The following SPEN variants were observed in gnomAD, a reference collection of about 807,000 sequenced individuals.
SPEN encodes the protein msx2-interacting protein.
A neutral mutation model predicts 269.9 loss-of-function variants in SPEN; 18 were observed. That is an observed-to-expected ratio of 0.07 (90% CI 0.05 to 0.10). The LOEUF (loss-of-function observed/expected upper bound fraction) is 0.10, where lower values mean the gene tolerates loss of function less well. SPEN is among the 10% of genes least tolerant of loss of function. The pLI is 1.00. For missense variants in SPEN, 3,822 were observed against 4,631.2 expected (o/e 0.83, Z 5.07); for synonymous variants, 1,726 against 1,765.7 (o/e 0.98, Z 0.56).
chr1:15,916,986 G>A (rs2071072678), intron 6 of SPEN, among the ~76,000 whole-genome samples: 2 of 152,108 alleles, frequency 1.3e-5, no homozygotes, highest in Non-Finnish European at 2.9e-5. Flanking sequence ...AATTAGCTGG[G>A]CGTTGGTGGC....
At chr1:15,918,442 C>T (rs969408376) in intron 6 of SPEN, among the ~76,000 whole-genome samples, 1 of 152,210 alleles carries the variant, frequency 6.6e-6, no homozygotes. Context: ...TGGTGTCGAA[C>T]TCCTGACCTC....
In SPEN at chr1:15,937,213, C is replaced by T. The variant is rs751059722; in HGVS notation, c.10077C>T (p.Ser3359=). 1.4e-5 allele frequency: 23 copies of T among 1,613,562 alleles called. No individual in the cohort carries two copies. The highest frequency in any genetic ancestry group is 1.3e-5 in the African/African-American group (1 of 74,814). Residue 3359 remains serine, a synonymous_variant, in exon 12 of 15, where the codon TCC becomes TCT. Transcript: ENST00000375759. The surrounding 1 kb of genome is among the most constrained non-coding windows in gnomAD (Gnocchi z 5.7). The stretch of plus-strand genomic sequence containing the variant: ...TGCAGCCTCCTCAGCCTGTGCAGTC[C>T]ACACAGCCTGCCCAGCCTGCACCAC... ...EPLQPPQPVQ[S]TQPAQPAPPC...
In SPEN at chr1:15,928,515, T is replaced by A. The variant is rs754739598; in HGVS notation, c.2275T>A (p.Ser759Thr). 1.2e-6 allele frequency: 2 copies of A among 1,614,070 alleles called. No homozygotes were observed. Among genetic ancestry groups the A allele is most frequent in the South Asian group, 1.1e-5 (1 of 91,070 alleles). The stretch of plus-strand genomic sequence containing the variant: ...TTCTGAGAGGAGGCTTTACAGCCGA[T>A]CCTCAGACCGGAGTGGAAGCTGTAG... ...SDSERRLYSR[S>T]SDRSGSCSSL... Residue 759 changes from serine to threonine, a missense_variant, in exon 11 of 15, where the codon TCC becomes ACC. By Grantham distance (58) the Ser-to-Thr change is moderately conservative. Coordinates refer to ENST00000375759, the MANE Select transcript of SPEN (RefSeq NM_015001.3). This position sits in a 1 kb window ranked among gnomAD's most constrained non-coding sequence, Gnocchi z 5.7.
rs371506900 is a variant in SPEN at position 15,933,892 on chromosome 1, C to A, written c.7652C>A (p.Ser2551Tyr). 1.9e-6 allele frequency: 3 copies of A among 1,613,896 alleles called. No homozygotes were observed. Among genetic ancestry groups the A allele is most frequent in the Non-Finnish European group, 2.5e-6 (3 of 1,180,042 alleles). Reference sequence around the variant, plus strand: ...TATGTGTCTGCCACAAGTGTCACTTCCACAAGTGTCACCACAGCCATTGCA... The same window carrying A: ...TATGTGTCTGCCACAAGTGTCACTTACACAAGTGTCACCACAGCCATTGCA... The part of the protein sequence containing the change: ...PKYVSATSVT[S>Y]TSVTTAIAEP... Residue 2551 changes from serine (S) to tyrosine (Y), a missense_variant, in exon 11 of 15, where the codon TCC (serine) becomes TAC (tyrosine). Transcript: ENST00000375759. This position sits in a 1 kb window ranked among gnomAD's most constrained non-coding sequence, Gnocchi z 5.7.
In SPEN at chr1:15,932,429, A is replaced by G; in HGVS notation, c.6189A>G (p.Val2063=). 6.2e-7 allele frequency: 1 copy of G among 1,613,992 alleles called. No individual in the cohort carries two copies. The highest frequency in any genetic ancestry group is 8.5e-7 in the Non-Finnish European group (1 of 1,179,990). ...NPPETAPVEV[V]EKKPAPEKNS... ...CTGAAACCGCCCCTGTTGAAGTTGT[A>G]GAGAAAAAACCGGCCCCTGAAAAAA... The change falls in exon 11 of 15, where the codon GTA becomes GTG. Residue 2063 remains valine (V), a synonymous_variant. Transcript: ENST00000375759. This position sits in a 1 kb window ranked among gnomAD's most constrained non-coding sequence, Gnocchi z 4.2.
intron 1 of SPEN, among the ~76,000 whole-genome samples, chr1:15,866,498 C>A (rs1031642573): frequency 6.6e-6 from 1 of 152,048 alleles, no homozygotes; most frequent in East Asian, 1.9e-4. Flanking sequence ...GGACTACAGG[C>A]GCCTGCCACC....
Position 15,931,232 on chromosome 1 carries a change from G to A in SPEN, c.4992G>A (p.Glu1664=). ...AGACCACTGGTGACAAAACGGTAGA[G>A]GCGCCTTTGGTAACAGAAGAGAAGA... is the stretch of plus-strand genomic sequence containing the variant. ...LEKTTGDKTV[E]APLVTEEKTV... is the part of the protein sequence containing the mutation. Residue 1664 remains glutamate, a synonymous_variant, in exon 11 of 15, where the codon GAG becomes GAA. Coordinates refer to ENST00000375759, the MANE Select transcript of SPEN (RefSeq NM_015001.3). The surrounding 1 kb of genome is among the most constrained non-coding windows in gnomAD (Gnocchi z 4.8). 1 of 1,614,210 alleles carries A rather than the reference G, an allele frequency of 6.2e-7. No homozygotes were observed. The highest frequency in any genetic ancestry group is 1.3e-5 in the African/African-American group (1 of 75,050).
intron 4 of SPEN, among the ~76,000 whole-genome samples, chr1:15,910,124 T>TAAA (rs57198076): frequency 1.7e-4 from 11 of 65,672 alleles, no homozygotes; most frequent in East Asian, 4.7e-4. Flanking sequence ...ACTCTGTCTC[T>TAAA]AAAAAAAAAA....
intron 1 of SPEN, among the ~76,000 whole-genome samples, chr1:15,869,398 T>C (rs1401731969): frequency 6.6e-6 from 1 of 152,106 alleles, no homozygotes. Context: ...AATTATAAAT[T>C]AGTAATTCAT....
intron 1 of SPEN, among the ~76,000 whole-genome samples, chr1:15,865,278 C>G (rs1000075906): frequency 6.6e-6 from 1 of 151,826 alleles, no homozygotes; most frequent in Non-Finnish European, 1.5e-5. Flanking sequence ...GTCTCAAACT[C>G]CTGACCTCAG....
chr1:15,900,295 C>T (rs942307881), intron 3 of SPEN, among the ~76,000 whole-genome samples: 2 of 152,192 alleles, frequency 1.3e-5, no homozygotes, highest in Non-Finnish European at 2.9e-5. Flanking sequence ...TATTAAACTA[C>T]CACCTTCAGG....
Position 15,879,710 on chromosome 1 carries a change from A to G in SPEN, c.881+3032A>G, listed in dbSNP as rs1485023801. Among the ~76,000 whole-genome samples the G allele has an allele frequency of 2.0e-5, 3 of 150,932 alleles. No individual in the cohort carries two copies. In the Admixed American group the frequency reaches 2.0e-4, roughly 10 times the overall value. On this transcript the variant is annotated intron_variant, in intron 3 of 14. Coordinates refer to ENST00000375759, the MANE Select transcript of SPEN (RefSeq NM_015001.3). Reference sequence around the variant, plus strand: ...TTTTGAGGCGGAGTCTCGCTCTGTCACCCAGGCTGGAATGCAGTGGCACGA... The same window carrying G: ...TTTTGAGGCGGAGTCTCGCTCTGTCGCCCAGGCTGGAATGCAGTGGCACGA...
intron 13 of SPEN, among the ~76,000 whole-genome samples, 155 bp downstream of exon 13, chr1:15,938,161 C>T (rs1056831065): frequency 1.3e-5 from 2 of 152,178 alleles, no homozygotes; most frequent in African/African-American, 4.8e-5. Flanking sequence ...TGGAGTGCAG[C>T]GGTGCGATCT....
Position 15,935,272 on chromosome 1 carries a change from G to A in SPEN, c.9032G>A (p.Arg3011Gln), listed in dbSNP as rs759881159. 272 of 1,613,966 alleles carry A rather than the reference G, an allele frequency of 1.7e-4. 3 individuals carry two copies. The East Asian group carries it at 4.9e-3, about 29-fold the overall frequency. The change falls in exon 11 of 15, where the codon CGA (arginine) becomes CAA (glutamine). Residue 3011 changes from arginine (R) to glutamine (Q), a missense_variant. Arg to Gln is a conservative substitution (Grantham distance 43). Transcript: ENST00000375759. This position sits in a 1 kb window ranked among gnomAD's most constrained non-coding sequence, Gnocchi z 7.7. ...VPSGPSIPAD[R>Q]TVSHLAAAKL... ...TCGGGGCCCAGCATCCCAGCAGATC[G>A]AACTGTCTCCCATTTGGCAGCTGCA...
chr1:15,917,887 G>A (rs2071080279), intron 6 of SPEN: 1 of 152,600 alleles, frequency 6.6e-6, no homozygotes, highest in Non-Finnish European at 1.5e-5. Flanking sequence ...CACATCTGAG[G>A]TTTCATCAAA....
At position 15,861,294 on chromosome 1, in the gene SPEN, G is replaced by C. The variant is rs994539088; in HGVS notation, c.84-11522G>C. On this transcript the variant is annotated intron_variant, in intron 1 of 14. Transcript: ENST00000375759. ...CTATAGGCACATGCCACCACACCTG[G>C]CTAATTTTTGTATTTTTAGTAGTAA... is the stretch of plus-strand genomic sequence containing the variant. 3.3e-5 allele frequency among the ~76,000 whole-genome samples: 5 copies of C among 151,926 alleles called. No homozygotes were observed. The East Asian group carries it at 7.8e-4, about 24-fold the overall frequency.
At chr1:15,887,169 T>C (rs2070743658) in intron 3 of SPEN, among the ~76,000 whole-genome samples, 1 of 151,972 alleles carries the variant, frequency 6.6e-6, no homozygotes, top group South Asian at 2.1e-4. Context: ...AGAGATGGAG[T>C]CTCACTGTGT....
At chr1:15,852,281 C>T (rs1467849968) in intron 1 of SPEN, among the ~76,000 whole-genome samples, 1 of 152,080 alleles carries the variant, frequency 6.6e-6, no homozygotes, top group Non-Finnish European at 1.5e-5. Context: ...ATGGCCATAC[C>T]ACCCATACCA....
At chr1:15,917,944 A>T (rs1007444709) in intron 6 of SPEN, 2 of 152,254 alleles carry the variant, frequency 1.3e-5, no homozygotes, top group African/African-American at 2.4e-5. Context: ...TAGGTATGAC[A>T]GCCCCACCCC....
Sources: gnomAD v4.1 joint callset for allele counts (sites outside exome capture counted in the v4.1 genomes callset) on GRCh38, gnomAD v4.1.1 for gene constraint, Gnocchi (gnomAD v3.1) non-coding constraint, MANE v1.5 for transcripts, NCBI Gene and HGNC (gene_info 2026-07-23, HGNC 2026-07-21) for gene names.